ATP8A2: variants seen among roughly 807,000 people sequenced by gnomAD.
The protein encoded by ATP8A2 is ATPase phospholipid transporting 8A2.
ATP8A2 carries 100 observed loss-of-function variants against 165.6 expected under a neutral mutation model. The ratio of observed to expected loss-of-function variants is 0.60; its 90% CI spans 0.51 to 0.71. The LOEUF (loss-of-function observed/expected upper bound fraction) is 0.71. Ranked by LOEUF, ATP8A2 falls within the 30% of genes least tolerant of loss-of-function variation. ATP8A2 has a pLI of 0.00. For synonymous variants in ATP8A2, 543 were observed against 548.8 expected, an observed-to-expected ratio of 0.99 and a Z score of 0.15; for missense variants, 1,227 against 1,479.5, an observed-to-expected ratio of 0.83 and a Z score of 2.80.
At chr13:25,806,470 A>G (rs1453357769) in intron 27 of ATP8A2, among the ~76,000 whole-genome samples, 2 of 152,078 alleles carry the variant, frequency 1.3e-5, no homozygotes, top group Non-Finnish European at 2.9e-5. Flanking sequence ...AGCCAACATT[A>G]CCAGGAATGT....
intron 33 of ATP8A2, among the ~76,000 whole-genome samples, chr13:25,883,378 C>T (rs1161516490): frequency 2.6e-5 from 4 of 152,102 alleles, no homozygotes; most frequent in South Asian, 2.1e-4. Context: ...GAAATTGCAC[C>T]TTGCACTCCA....
At chr13:25,395,621 G>C (rs1347983587) in intron 1 of ATP8A2, among the ~76,000 whole-genome samples, 1 of 152,030 alleles carries the variant, frequency 6.6e-6, no homozygotes, top group East Asian at 1.9e-4. Flanking sequence ...CTGCAGCCTT[G>C]AACTCCTGGG....
chr13:25,455,575 G>C (rs2035344432), intron 1 of ATP8A2, among the ~76,000 whole-genome samples: 1 of 152,162 alleles, frequency 6.6e-6, no homozygotes, highest in East Asian at 1.9e-4. Flanking sequence ...GATATTAAAA[G>C]CCTTTCATTC....
chr13:25,919,529 C>T (rs1410815531), intron 33 of ATP8A2, among the ~76,000 whole-genome samples: 2 of 152,006 alleles, frequency 1.3e-5, no homozygotes, highest in Non-Finnish European at 2.9e-5. Context: ...GCTGCGGGAG[C>T]CTCAGGATTC....
intron 30 of ATP8A2, among the ~76,000 whole-genome samples, chr13:25,842,319 T>C: frequency 6.6e-6 from 1 of 151,886 alleles, no homozygotes; most frequent in East Asian, 1.9e-4. Flanking sequence ...AGGTGAAAGA[T>C]GGGGAAATTT....
At position 25,480,991 on chromosome 13, in the gene ATP8A2, CA is replaced by C. The variant is rs1341005985; in HGVS notation, c.221+11877del. Among the ~76,000 whole-genome samples the C allele has an allele frequency of 5.3e-5, 8 of 152,052 alleles. 1 individual carries two copies. Among genetic ancestry groups the C allele is most frequent in the Admixed American group, 5.2e-4 (8 of 15,266 alleles). ...CAACACAGCGAAACCCCGTCTCCAC[CA>C]AAAAAATATGAAAACCAGTCAGGCG... is the stretch of plus-strand genomic sequence containing the variant. On this transcript the variant is annotated intron_variant, in intron 2 of 36. Transcript: ENST00000381655.
intron 25 of ATP8A2, among the ~76,000 whole-genome samples, chr13:25,712,218 T>A (rs1276336649): frequency 6.6e-6 from 1 of 152,170 alleles, no homozygotes; most frequent in Non-Finnish European, 1.5e-5. Context: ...GCTCTTTGAC[T>A]TTTGGCTTAA....
At chr13:25,463,583 A>C (rs1329650184) in intron 1 of ATP8A2, among the ~76,000 whole-genome samples, 1 of 152,154 alleles carries the variant, frequency 6.6e-6, no homozygotes, top group Non-Finnish European at 1.5e-5. Flanking sequence ...TGACAATGTA[A>C]GGTCCATCAT....
chr13:25,666,532 G>A lies in ATP8A2; in HGVS notation c.2212-32641G>A, dbSNP rs563314803. ...TGGGATAACAGGCGTGAGTCACCAC[G>A]CCCGGCCAGAATATTAGTTTTTAAA... On this transcript the variant is annotated intron_variant, in intron 24 of 36. Transcript: ENST00000381655. 3.3e-5 allele frequency among the ~76,000 whole-genome samples: 5 copies of A among 152,268 alleles called. No homozygotes were observed. The East Asian group carries it at 5.8e-4, about 18-fold the overall frequency.
At chr13:25,749,326 G>A (rs2044105257) in intron 25 of ATP8A2, among the ~76,000 whole-genome samples, 2 of 152,150 alleles carry the variant, frequency 1.3e-5, no homozygotes, top group Non-Finnish European at 2.9e-5. Context: ...GCTGGCAGAG[G>A]GGAAGGAGGG....
At chr13:25,846,462 A>T (rs1263986907) in intron 30 of ATP8A2, among the ~76,000 whole-genome samples, 7 of 152,162 alleles carry the variant, frequency 4.6e-5, no homozygotes, top group Admixed American at 4.6e-4. Context: ...GAGGAGAGAG[A>T]GGAAAGAGTT....
At chr13:25,627,730 G>A (rs1421334509) in intron 24 of ATP8A2, among the ~76,000 whole-genome samples, 2 of 152,178 alleles carry the variant, frequency 1.3e-5, no homozygotes, top group Non-Finnish European at 1.5e-5. Flanking sequence ...TGAGCAGACC[G>A]AGATGGAACT....
chr13:25,615,872 G>A (rs2040809998), intron 24 of ATP8A2, among the ~76,000 whole-genome samples: 1 of 152,108 alleles, frequency 6.6e-6, no homozygotes, highest in Non-Finnish European at 1.5e-5. Flanking sequence ...TTCACACTTT[G>A]GGCACTCACA....
At chr13:25,725,572 C>T (rs529316924) in intron 25 of ATP8A2, among the ~76,000 whole-genome samples, 4 of 152,288 alleles carry the variant, frequency 2.6e-5, no homozygotes, top group African/African-American at 4.8e-5. Flanking sequence ...TCACTGCATG[C>T]TGTGGGTATA....
chr13:25,561,133 T>C (rs2039140294), intron 15 of ATP8A2, among the ~76,000 whole-genome samples: 1 of 152,134 alleles, frequency 6.6e-6, no homozygotes, highest in Non-Finnish European at 1.5e-5. Flanking sequence ...GATCTGCCTG[T>C]CTCGGCCTCC....
intron 1 of ATP8A2, among the ~76,000 whole-genome samples, chr13:25,466,139 C>T (rs934481715): frequency 2.6e-5 from 4 of 152,168 alleles, no homozygotes; most frequent in African/African-American, 9.7e-5. Context: ...CTGTGACCTT[C>T]AGGATGAAGT....
At chr13:25,468,874 C>T (rs1483582993) in intron 1 of ATP8A2, 103 bp from the exon 2 acceptor site, 25 of 1,545,846 alleles carry the variant, frequency 1.6e-5, no homozygotes, top group Non-Finnish European at 1.9e-5. Flanking sequence ...CCCGAGCATC[C>T]TTCCCCGCCG....
At chr13:25,897,973 G>T (rs2138933515) in intron 33 of ATP8A2, among the ~76,000 whole-genome samples, 1 of 152,044 alleles carries the variant, frequency 6.6e-6, no homozygotes, top group African/African-American at 2.4e-5. Context: ...CTTTGCCATT[G>T]GTTCAAACTT....
intron 25 of ATP8A2, among the ~76,000 whole-genome samples, chr13:25,732,341 G>A (rs1282616315): frequency 6.6e-6 from 1 of 152,214 alleles, no homozygotes; most frequent in Non-Finnish European, 1.5e-5. Flanking sequence ...TCACTGACCA[G>A]CTACAATCCC....
Sources: allele counts gnomAD v4.1 joint callset (sites outside exome capture counted in the v4.1 genomes callset), GRCh38; gene constraint gnomAD v4.1.1; transcripts MANE v1.5; gene names NCBI Gene and HGNC (gene_info 2026-07-23, HGNC 2026-07-21).